The following PTPRD variants were observed in gnomAD, a reference collection of about 807,000 sequenced individuals.
PTPRD encodes receptor-type tyrosine-protein phosphatase delta.
In PTPRD, 34 loss-of-function variants were observed where a neutral mutation model predicts 214.5. The ratio of observed to expected loss-of-function variants is 0.16; its 90% CI spans 0.12 to 0.21. The LOEUF is 0.21. Among genes scored for constraint, PTPRD ranks in the 10% least tolerant of loss-of-function variants. PTPRD has a pLI of 1.00. For missense variants in PTPRD, 2,545 were observed against 2,398.7 expected (o/e 1.06, Z -1.27); for synonymous variants, 1,128 against 845.7 (o/e 1.33, Z -5.79).
At chr9:8,564,491 T>C (rs78507525) in intron 14 of PTPRD, among the ~76,000 whole-genome samples, 7,012 of 152,002 alleles carry the variant, frequency 0.046, 305 homozygotes, top group East Asian at 0.11. Context: ...CTTGAGGAGT[T>C]TGAGTTTGAG....
chr9:10,431,605 C>G (rs1183970221), intron 2 of PTPRD, among the ~76,000 whole-genome samples: 1 of 151,736 alleles, frequency 6.6e-6, no homozygotes, highest in East Asian at 1.9e-4. Flanking sequence ...AACAAACAAC[C>G]CCATCAAAAA....
At chr9:8,645,136 T>C (rs2096659870) in intron 12 of PTPRD, among the ~76,000 whole-genome samples, 1 of 152,252 alleles carries the variant, frequency 6.6e-6, no homozygotes, top group Non-Finnish European at 1.5e-5. Context: ...TCTCAAGGGA[T>C]TGGCACGTAC....
chr9:9,021,175 TA>T, intron 10 of PTPRD, among the ~76,000 whole-genome samples: 1 of 152,284 alleles, frequency 6.6e-6, no homozygotes, highest in East Asian at 1.9e-4. Flanking sequence ...ATAAACACCT[TA>T]AAAATCAAAT....
At chr9:9,628,875 T>C (rs989929622) in intron 7 of PTPRD, among the ~76,000 whole-genome samples, 2 of 151,946 alleles carry the variant, frequency 1.3e-5, no homozygotes, top group African/African-American at 4.8e-5. Context: ...ATTTTATTTC[T>C]ATAAAATATA....
chr9:8,681,787 C>G lies in PTPRD; in HGVS notation c.65-44943G>C, dbSNP rs1006121098. On this transcript the variant is annotated intron_variant, in intron 12 of 45. Coordinates refer to ENST00000381196, the MANE Select transcript of PTPRD (RefSeq NM_002839.4). ...CATTTCTCCACTGTCATTATTGTTT[C>G]TAGCAAACTACTTAATATAAAAAGC... Among the ~76,000 whole-genome samples, 8 of 152,280 alleles carry G rather than the reference C, an allele frequency of 5.3e-5. No individual in the cohort carries two copies. In the Middle Eastern group the frequency reaches 0.014, roughly 259 times the overall value.
intron 10 of PTPRD, among the ~76,000 whole-genome samples, chr9:9,052,707 A>G (rs561256382): frequency 2.0e-5 from 3 of 152,352 alleles, no homozygotes; most frequent in Middle Eastern, 3.4e-3. Flanking sequence ...TCACTGGATT[A>G]TACTGTCCAC....
chr9:9,933,372 G>C (rs1292153892), intron 5 of PTPRD, among the ~76,000 whole-genome samples: 3 of 151,828 alleles, frequency 2.0e-5, no homozygotes, highest in Non-Finnish European at 2.9e-5. Flanking sequence ...AAAATAAAAG[G>C]ATGGAGGAAG....
intron 14 of PTPRD, among the ~76,000 whole-genome samples, chr9:8,626,118 A>T (rs2096023415): frequency 1.3e-5 from 2 of 152,036 alleles, no homozygotes; most frequent in South Asian, 2.1e-4. Flanking sequence ...TTAAAACTAC[A>T]TCTTAATTAG....
chr9:9,208,020 C>CGTTTTTTTTTTTTTTTTTTTTTTTTTT (rs1554981097), intron 9 of PTPRD, among the ~76,000 whole-genome samples: 1 of 53,260 alleles, frequency 1.9e-5, no homozygotes, highest in Non-Finnish European at 3.8e-5. Flanking sequence ...TATATATCTG[C>CGTTTTTTTTTTTTTTTTTTTTTTTTTT]TTTTTTTTTT....
intron 9 of PTPRD, among the ~76,000 whole-genome samples, chr9:9,205,183 G>A (rs944025112): frequency 2.6e-5 from 4 of 152,136 alleles, no homozygotes; most frequent in African/African-American, 4.8e-5. Flanking sequence ...CTAAGAAACA[G>A]CAGGTAGGAA....
intron 3 of PTPRD, among the ~76,000 whole-genome samples, chr9:10,248,432 A>G (rs2154367485): frequency 6.6e-6 from 1 of 151,758 alleles, no homozygotes; most frequent in South Asian, 2.1e-4. Flanking sequence ...TGAGCTATTC[A>G]CCAAAACAAG....
At chr9:10,406,712 G>T (rs1042077863) in intron 2 of PTPRD, among the ~76,000 whole-genome samples, 2 of 151,540 alleles carry the variant, frequency 1.3e-5, no homozygotes, top group East Asian at 2.0e-4. Context: ...TTCTCTAAAG[G>T]TGGTTTCAAT....
chr9:10,444,157 C>A (rs1226012819), intron 2 of PTPRD, among the ~76,000 whole-genome samples: 1 of 151,752 alleles, frequency 6.6e-6, no homozygotes, highest in East Asian at 1.9e-4. Context: ...TAAAAGCCAT[C>A]AGCTTATGTT....
intron 4 of PTPRD, among the ~76,000 whole-genome samples, chr9:9,967,755 C>T (rs916771873): frequency 1.3e-5 from 2 of 152,034 alleles, no homozygotes; most frequent in African/African-American, 4.8e-5. Flanking sequence ...TCTTTAAGAA[C>T]TATTGATATA....
At chr9:8,528,997 G>T (rs1044114138) in intron 14 of PTPRD, among the ~76,000 whole-genome samples, 11 of 152,060 alleles carry the variant, frequency 7.2e-5, no homozygotes, top group Non-Finnish European at 2.9e-5. Context: ...AGCTCAGACG[G>T]GGCCGACTAT....
chr9:8,892,577 ATG>A (rs1234718348), intron 11 of PTPRD, among the ~76,000 whole-genome samples: 1 of 149,754 alleles, frequency 6.7e-6, no homozygotes, highest in Admixed American at 6.7e-5. Flanking sequence ...GTGTATATAT[ATG>A]TGTGTATATA....
chr9:9,387,589 A>T (rs115717450), intron 9 of PTPRD, among the ~76,000 whole-genome samples: 5,044 of 152,240 alleles, frequency 0.033, 294 homozygotes, highest in African/African-American at 0.11. Flanking sequence ...GAAATATCAC[A>T]TATCTTCTTT....
At chr9:9,363,078 G>A (rs1006496662) in intron 9 of PTPRD, among the ~76,000 whole-genome samples, 3 of 145,216 alleles carry the variant, frequency 2.1e-5, no homozygotes, top group Non-Finnish European at 4.5e-5. Context: ...AACAAAGGAA[G>A]AATAATTATC....
chr9:9,885,023 G>C (rs1329688516), intron 5 of PTPRD, among the ~76,000 whole-genome samples: 1 of 152,022 alleles, frequency 6.6e-6, no homozygotes, highest in African/African-American at 2.4e-5. Flanking sequence ...GGCATCTAGA[G>C]GAAAGGAGAC....
Sources: allele counts gnomAD v4.1 joint callset (sites outside exome capture counted in the v4.1 genomes callset), GRCh38; gene constraint gnomAD v4.1.1; transcripts MANE v1.5; gene names NCBI Gene and HGNC (gene_info 2026-07-23, HGNC 2026-07-21).